Variants in STXBP4 observed in about 807,000 individuals in gnomAD.
STXBP4 encodes the protein syntaxin-binding protein 4.
A neutral mutation model predicts 76.1 loss-of-function variants in STXBP4; 55 were observed. The ratio of observed to expected loss-of-function variants is 0.72; its 90% confidence interval spans 0.58 to 0.91. The LOEUF is 0.91. Among genes scored for constraint, STXBP4 ranks in the 40% least tolerant of loss-of-function variants. STXBP4 has a pLI of 0.00. For missense variants in STXBP4, 618 were observed against 636.9 expected, an observed-to-expected ratio of 0.97 and a Z score of 0.32; for synonymous variants, 201 against 220.2, an observed-to-expected ratio of 0.91 and a Z score of 0.77.
At chr17:55,159,020 G>C (rs1421948314) in intron 17 of STXBP4, among the ~76,000 whole-genome samples, 1 of 152,186 alleles carries the variant, frequency 6.6e-6, no homozygotes. Flanking sequence ...CAAGGTGGGT[G>C]GATCACTTAA....
At chr17:55,183,100 C>T in the STXBP4 span, among the ~76,000 whole-genome samples, 1 of 152,122 alleles carries the variant, frequency 6.6e-6, no homozygotes, top group Non-Finnish European at 1.5e-5. Context: ...TATTGATAGG[C>T]AGCAACAATA....
rs778480881 is a variant in STXBP4 at position 55,000,899 on chromosome 17, A to G, written c.574+16A>G. The G allele has an allele frequency of 7.4e-6, 11 of 1,491,818 alleles. No individual in the cohort carries two copies. Among genetic ancestry groups the G allele is most frequent in the Non-Finnish European group, 9.3e-6 (10 of 1,074,572 alleles). 92.4% of individuals were successfully genotyped at this position (1,491,818 alleles called of 1,614,324 possible). A position where few individuals can be genotyped will look rare whatever the true frequency, so the allele number is the denominator to read the frequency against. ...TCTAATACAGGTAAATACACATTTA[A>G]TTTCTATTTCCTGTTTTTTATTTCA... On this transcript the variant is annotated intron_variant, in intron 7 of 17. Transcript: ENST00000376352.
chr17:55,080,262 A>G (rs1326910309), intron 15 of STXBP4, among the ~76,000 whole-genome samples: 4 of 152,158 alleles, frequency 2.6e-5, no homozygotes, highest in Non-Finnish European at 5.9e-5. Flanking sequence ...CACTAGTAAA[A>G]ACTGGTGCAG....
Position 54,990,841 on chromosome 17 carries a change from A to C in STXBP4, c.64A>C (p.Met22Leu). 3 of 1,604,344 alleles carry C rather than the reference A, an allele frequency of 1.9e-6. No individual in the cohort carries two copies. Among genetic ancestry groups the C allele is most frequent in the African/African-American group, 1.3e-5 (1 of 74,302 alleles). Residue 22 changes from methionine to leucine, a missense_variant, in exon 4 of 18, where the codon ATG becomes CTG. Transcript: ENST00000376352. ...TTATCTTAGGGATCCTGCCTTTCAG[A>C]TGATTACAATTGCCAAGGAAACAGG... ...SLLEKDPAFQ[M>L]ITIAKETGLG...
chr17:55,094,200 C>A, intron 16 of STXBP4, among the ~76,000 whole-genome samples: 1 of 144,002 alleles, frequency 6.9e-6, no homozygotes, highest in Non-Finnish European at 1.5e-5. Flanking sequence ...GTATCTAATA[C>A]GTATGAGCAA....
At chr17:55,029,715 G>GTT (rs2078473981) in intron 8 of STXBP4, among the ~76,000 whole-genome samples, 1 of 151,700 alleles carries the variant, frequency 6.6e-6, no homozygotes, top group Admixed American at 6.6e-5. Context: ...CTCACTTACA[G>GTT]ATTAACCAGT....
intron 1 of STXBP4, among the ~76,000 whole-genome samples, chr17:54,983,607 A>ATTTCT (rs3079402): frequency 0.74 from 110,993 of 150,260 alleles, 41,211 homozygotes; most frequent in African/African-American, 0.8. Context: ...TGAACTCTGC[A>ATTTCT]TTTCTTTTCT....
At chr17:54,990,995 A>G (rs760115554) in intron 4 of STXBP4, 38 bp downstream of exon 4, 15 of 1,483,190 alleles carry the variant, frequency 1.0e-5, no homozygotes, top group African/African-American at 2.9e-5. Flanking sequence ...AATACAAACA[A>G]AAAGACCCAC....
intron 16 of STXBP4, among the ~76,000 whole-genome samples, chr17:55,083,079 A>G (rs2144922815): frequency 6.6e-6 from 1 of 151,692 alleles, no homozygotes; most frequent in South Asian, 2.1e-4. Flanking sequence ...TCCCACCCCT[A>G]GGTTCAGGTG....
At chr17:55,098,938 C>T (rs1164563660) in intron 16 of STXBP4, among the ~76,000 whole-genome samples, 1 of 152,168 alleles carries the variant, frequency 6.6e-6, no homozygotes, top group Non-Finnish European at 1.5e-5. Flanking sequence ...GGCACATATT[C>T]AAGAGACACT....
intron 16 of STXBP4, among the ~76,000 whole-genome samples, chr17:55,107,806 G>T (rs895698025): frequency 6.6e-6 from 1 of 152,158 alleles, no homozygotes; most frequent in South Asian, 2.1e-4. Context: ...GTCCCAGAGG[G>T]GTACCTGCCA....
chr17:55,205,962 T>A, the STXBP4 span, among the ~76,000 whole-genome samples: 1 of 152,134 alleles, frequency 6.6e-6, no homozygotes, highest in Non-Finnish European at 1.5e-5. Context: ...TAAATGTCCC[T>A]AAGTAAAAGA....
intron 15 of STXBP4, among the ~76,000 whole-genome samples, chr17:55,080,336 G>A (rs756865736): frequency 1.3e-5 from 2 of 151,998 alleles, no homozygotes; most frequent in Admixed American, 6.6e-5. Context: ...CAGAATAAAG[G>A]CTATGTATTT....
chr17:55,067,349 G>C (rs2079065601), intron 12 of STXBP4, among the ~76,000 whole-genome samples: 2 of 152,114 alleles, frequency 1.3e-5, no homozygotes, highest in Non-Finnish European at 2.9e-5. Context: ...AAGTAGAATG[G>C]AAAAACAGAT....
chr17:54,974,617 G>A lies in STXBP4; in HGVS notation c.-157+5802G>A, dbSNP rs75886329. ...CACACAAGGCCCTACTCTTAAAAGG[G>A]CCCCTCACTTATGATGTAGGACATG... On this transcript the variant is annotated intron_variant, in intron 1 of 17. Coordinates refer to ENST00000376352, the MANE Select transcript of STXBP4 (RefSeq NM_178509.6). 3.2e-3 allele frequency among the ~76,000 whole-genome samples: 488 copies of A among 152,344 alleles called. 11 individuals are homozygous for A. The highest frequency in any genetic ancestry group is 0.025 in the East Asian group (131 of 5,190).
intron 16 of STXBP4, among the ~76,000 whole-genome samples, chr17:55,089,606 A>G (rs187383316): frequency 6.6e-6 from 1 of 152,272 alleles, no homozygotes; most frequent in African/African-American, 2.4e-5. Context: ...TTATATTTAC[A>G]TGTTCTATAT....
downstream of STXBP4, among the ~76,000 whole-genome samples, chr17:55,178,382 C>T (rs902578928): frequency 3.9e-5 from 6 of 152,132 alleles, no homozygotes; most frequent in African/African-American, 1.4e-4. Flanking sequence ...GTGAATGTCC[C>T]CCATTCAAGC....
At chr17:55,038,619 A>G (rs1192714600) in intron 10 of STXBP4, among the ~76,000 whole-genome samples, 1 of 151,702 alleles carries the variant, frequency 6.6e-6, no homozygotes, top group East Asian at 1.9e-4. Context: ...ACATTAGAAA[A>G]TTCACACAGT....
the STXBP4 span, among the ~76,000 whole-genome samples, chr17:55,195,615 T>C: frequency 3.3e-5 from 5 of 152,072 alleles, no homozygotes; most frequent in Non-Finnish European, 7.4e-5. Flanking sequence ...CGAGCTAAAT[T>C]TTTTATTTTT....
Sources: gnomAD v4.1 joint callset for allele counts (sites outside exome capture counted in the v4.1 genomes callset) on GRCh38, gnomAD v4.1.1 for gene constraint, MANE v1.5 for transcripts, NCBI Gene and HGNC (gene_info 2026-07-23, HGNC 2026-07-21) for gene names.